RASA1: variants seen among roughly 807,000 people sequenced by gnomAD.
RASA1 encodes the protein ras GTPase-activating protein 1.
In RASA1, 25 loss-of-function variants were observed where a neutral mutation model predicts 132.2. That is an observed-to-expected ratio of 0.19 (90% CI 0.14 to 0.26). The LOEUF (loss-of-function observed/expected upper bound fraction) is 0.26, where lower values mean the gene tolerates loss of function less well. RASA1 is among the 10% of genes least tolerant of loss of function. The probability of loss-of-function intolerance (pLI) is 1.00; values close to 1 mark genes in which losing one functional copy is unlikely to be tolerated. For synonymous variants in RASA1, 477 were observed against 449.9 expected (o/e 1.06, Z -0.76); for missense variants, 964 against 1,299.2 (o/e 0.74, Z 3.97).
chr5:87,365,257 CA>C (rs1580360364), intron 11 of RASA1, among the ~76,000 whole-genome samples: 1 of 151,964 alleles, frequency 6.6e-6, no homozygotes, highest in Non-Finnish European at 1.5e-5. Context: ...TTTTATATTT[CA>C]AAAATTATAA....
chr5:87,275,762 G>A (rs547592745), intron 1 of RASA1, among the ~76,000 whole-genome samples: 207 of 152,162 alleles, frequency 1.4e-3, no homozygotes, highest in Middle Eastern at 6.8e-3. Flanking sequence ...ATGGAGATGG[G>A]GTTTCACCAT....
At chr5:87,378,206 A>AT (rs1761452614) in intron 17 of RASA1, among the ~76,000 whole-genome samples, 190 bp from the exon 18 acceptor site, 1 of 152,208 alleles carries the variant, frequency 6.6e-6, no homozygotes, top group Admixed American at 6.5e-5. Flanking sequence ...GGTAATACAT[A>AT]TGAAAGTCTT....
At chr5:87,370,850 TC>T (rs1760882826) in intron 12 of RASA1, among the ~76,000 whole-genome samples, 1 of 152,102 alleles carries the variant, frequency 6.6e-6, no homozygotes, top group Non-Finnish European at 1.5e-5. Context: ...TAAAACTAGA[TC>T]CTAGCGTGAG....
chr5:87,348,308 A>G (rs186544101), intron 7 of RASA1, among the ~76,000 whole-genome samples: 156 of 152,116 alleles, frequency 1.0e-3, no homozygotes, highest in Non-Finnish European at 5.2e-4. Context: ...CCCTCAAATT[A>G]TATCTAATAA....
chr5:87,333,848 A>T (rs1757767121), intron 4 of RASA1, among the ~76,000 whole-genome samples: 2 of 151,878 alleles, frequency 1.3e-5, no homozygotes, highest in Admixed American at 1.3e-4. Flanking sequence ...CTTACCATTA[A>T]TTCTCTCATT....
At chr5:87,284,934 G>GT (rs1561254600) in intron 1 of RASA1, among the ~76,000 whole-genome samples, 1 of 151,870 alleles carries the variant, frequency 6.6e-6, no homozygotes, top group Non-Finnish European at 1.5e-5. Flanking sequence ...TTTTGACATT[G>GT]TTTTTTAAGA....
At chr5:87,271,143 C>T (rs2112227631) in intron 1 of RASA1, among the ~76,000 whole-genome samples, 1 of 152,154 alleles carries the variant, frequency 6.6e-6, no homozygotes, top group Non-Finnish European at 1.5e-5. Context: ...GAGGCTGAGG[C>T]AGGAGAATCG....
intron 1 of RASA1, among the ~76,000 whole-genome samples, chr5:87,322,586 T>G (rs1016819488): frequency 6.6e-6 from 1 of 152,094 alleles, no homozygotes; most frequent in Non-Finnish European, 1.5e-5. Context: ...TAGCTCTCCC[T>G]TTGCCTTCTG....
At chr5:87,290,138 C>G (rs1417939401) in intron 1 of RASA1, among the ~76,000 whole-genome samples, 1 of 152,132 alleles carries the variant, frequency 6.6e-6, no homozygotes, top group East Asian at 1.9e-4. Context: ...ACCCTTCTGC[C>G]TTGCATCTTT....
intron 1 of RASA1, among the ~76,000 whole-genome samples, chr5:87,314,261 C>A (rs901927453): frequency 1.2e-4 from 19 of 152,168 alleles, no homozygotes; most frequent in Non-Finnish European, 2.4e-4. Context: ...TGGAGACTGG[C>A]CAAGCCATAA....
chr5:87,328,610 TAAA>T (rs555119448), intron 1 of RASA1, among the ~76,000 whole-genome samples: 75 of 152,198 alleles, frequency 4.9e-4, no homozygotes, highest in Non-Finnish European at 9.3e-4. Context: ...CCACCTGAAA[TAAA>T]AAGAATTACA....
chr5:87,365,541 G>C (rs145918290), intron 11 of RASA1, among the ~76,000 whole-genome samples: 1 of 151,762 alleles, frequency 6.6e-6, no homozygotes, highest in Non-Finnish European at 1.5e-5. Context: ...TTTAATTATC[G>C]TAAAATATAT....
Position 87,377,588 on chromosome 5 carries a change from C to T in RASA1, c.2344+548C>T, listed in dbSNP as rs115835252. On this transcript the variant is annotated intron_variant, in intron 17 of 24. Transcript: ENST00000274376. ...CTGACTTCAGGTGATCCGCCTGCCT[C>T]AAGCCTCCCAAAGTGCCGGGGTTAC... Among the ~76,000 whole-genome samples, 528 of 152,168 alleles carry T rather than the reference C, an allele frequency of 3.5e-3. 1 individual carries two copies. The highest frequency in any genetic ancestry group is 0.012 in the African/African-American group (495 of 41,512).
rs2112456398 is a variant in RASA1 at position 87,362,558 on chromosome 5, A to G, written c.1340A>G (p.Glu447Gly). Residue 447 changes from glutamate (E) to glycine (G), a missense_variant, in exon 10 of 25, where the codon GAA becomes GGA. Coordinates refer to ENST00000274376, the MANE Select transcript of RASA1 (RefSeq NM_002890.3). ...LKEPVPMQDQ[E>G]QVLNDTVDGK... ...ATGTTTTTTAAAATTCAGGATCAAG[A>G]ACAAGTACTCAATGACACAGTGGAT... 6.3e-7 allele frequency: 1 copy of G among 1,590,722 alleles called. No individual in the cohort carries two copies.
chr5:87,297,139 T>G (rs1755156397), intron 1 of RASA1, among the ~76,000 whole-genome samples: 1 of 152,208 alleles, frequency 6.6e-6, no homozygotes, highest in Non-Finnish European at 1.5e-5. Context: ...AGAATTTCCG[T>G]TTCTCTGCTT....
At chr5:87,309,972 G>A (rs954602310) in intron 1 of RASA1, among the ~76,000 whole-genome samples, 5 of 152,000 alleles carry the variant, frequency 3.3e-5, no homozygotes, top group Non-Finnish European at 7.4e-5. Context: ...TTATGTTTAT[G>A]TGCTAGTTGA....
intron 9 of RASA1, among the ~76,000 whole-genome samples, chr5:87,360,155 G>A (rs543617934): frequency 1.8e-4 from 23 of 127,738 alleles, no homozygotes; most frequent in African/African-American, 5.9e-4. Flanking sequence ...ATGGAATTTC[G>A]CTCTTTTTTG....
chr5:87,338,536 A>ATATATT, intron 5 of RASA1, among the ~76,000 whole-genome samples: 1,419 of 85,090 alleles, frequency 0.017, 64 homozygotes, highest in Middle Eastern at 0.031. Flanking sequence ...TATATATAAA[A>ATATATT]TTTTTTTTTT....
intron 1 of RASA1, among the ~76,000 whole-genome samples, chr5:87,285,062 A>C (rs1754486937): frequency 6.7e-6 from 1 of 149,062 alleles, no homozygotes; most frequent in Non-Finnish European, 1.5e-5. Flanking sequence ...TTATTTATTT[A>C]TTTATTTATT....
Sources: allele counts gnomAD v4.1 joint callset (sites outside exome capture counted in the v4.1 genomes callset), GRCh38; gene constraint gnomAD v4.1.1; transcripts MANE v1.5; gene names NCBI Gene and HGNC (gene_info 2026-07-23, HGNC 2026-07-21).